MICAL2: variants seen among roughly 807,000 people sequenced by gnomAD.
The protein encoded by MICAL2 is microtubule associated monooxygenase, calponin and LIM domain containing 2.
MICAL2 carries 77 observed loss-of-function variants against 127.3 expected under a neutral mutation model. That is an observed-to-expected ratio of 0.60 (90% CI 0.50 to 0.73). The LOEUF (loss-of-function observed/expected upper bound fraction) is 0.73, where lower values mean the gene tolerates loss of function less well. MICAL2 is among the 30% of genes least tolerant of loss of function. The probability of loss-of-function intolerance (pLI) is 0.00; values close to 1 mark genes in which losing one functional copy is unlikely to be tolerated. For missense variants in MICAL2, 1,351 were observed against 1,434.4 expected, an observed-to-expected ratio of 0.94 and a Z score of 0.94; for synonymous variants, 570 against 551.1, an observed-to-expected ratio of 1.03 and a Z score of -0.48.
chr11:12,172,041 G>T (rs751483501), intron 3 of MICAL2, among the ~76,000 whole-genome samples: 27 of 152,252 alleles, frequency 1.8e-4, no homozygotes, highest in Non-Finnish European at 3.2e-4. Context: ...CTAGCCACAT[G>T]TGGCTAGCGG....
At chr11:12,212,634 C>T (rs1456046592) in intron 6 of MICAL2, among the ~76,000 whole-genome samples, 1 of 152,116 alleles carries the variant, frequency 6.6e-6, no homozygotes, top group African/African-American at 2.4e-5. Flanking sequence ...TAAGCTGGGT[C>T]CCACCCTACT....
chr11:12,234,169 A>T (rs907346551), intron 15 of MICAL2, among the ~76,000 whole-genome samples: 1 of 152,168 alleles, frequency 6.6e-6, no homozygotes, highest in African/African-American at 2.4e-5. Context: ...TCATAAGCCC[A>T]TGGCTAATAT....
intron 27 of MICAL2, chr11:12,263,034 C>T (rs913069283): frequency 1.3e-5 from 2 of 156,994 alleles, no homozygotes; most frequent in African/African-American, 4.8e-5. Context: ...ATTTAAAAAA[C>T]TTAATTACTC....
At chr11:12,261,509 C>T (rs889453194) in intron 26 of MICAL2, 2 of 985,476 alleles carry the variant, frequency 2.0e-6, no homozygotes. Flanking sequence ...GCTGAACAAT[C>T]AAGGGGCCGC....
At chr11:12,158,720 G>GT (rs1300627109) in intron 2 of MICAL2, among the ~76,000 whole-genome samples, 3 of 152,174 alleles carry the variant, frequency 2.0e-5, no homozygotes, top group Admixed American at 2.0e-4. Context: ...ACAGATTTTG[G>GT]TATCTGCATG....
chr11:12,260,685 G>T (rs1862990732), intron 26 of MICAL2: 1 of 985,692 alleles, frequency 1.0e-6, no homozygotes, highest in South Asian at 4.7e-5. Context: ...CAACACGAAA[G>T]CATAATTATT....
chr11:12,322,683 T>C (rs575530674), intron 30 of MICAL2, among the ~76,000 whole-genome samples: 2 of 152,284 alleles, frequency 1.3e-5, no homozygotes, highest in Non-Finnish European at 2.9e-5. Flanking sequence ...AATAGCCCAA[T>C]TTGAACATTT....
At chr11:12,352,008 G>A (rs1046235144) in intron 33 of MICAL2, among the ~76,000 whole-genome samples, 4 of 151,900 alleles carry the variant, frequency 2.6e-5, no homozygotes, top group Non-Finnish European at 4.4e-5. Context: ...GGCTGGTCTC[G>A]AACTCCTGAC....
At chr11:12,278,320 C>G (rs975117853) in intron 1 of MICAL2, among the ~76,000 whole-genome samples, 18 of 152,050 alleles carry the variant, frequency 1.2e-4, no homozygotes, top group Non-Finnish European at 5.9e-5. Flanking sequence ...TTCTTTATAC[C>G]CTTATTCTAT....
chr11:12,300,974 C>G (rs575239979), intron 29 of MICAL2, among the ~76,000 whole-genome samples: 2 of 152,150 alleles, frequency 1.3e-5, no homozygotes, highest in African/African-American at 2.4e-5. Context: ...AAGACATACT[C>G]GAGACTGGGA....
At chr11:12,239,652 G>A in intron 17 of MICAL2, 67 bp downstream of exon 17, 3 of 1,561,644 alleles carry the variant, frequency 1.9e-6, no homozygotes, top group Non-Finnish European at 1.7e-6. Flanking sequence ...TGTTCTGGCT[G>A]CTGATAGACT....
intron 15 of MICAL2, among the ~76,000 whole-genome samples, chr11:12,235,491 G>A (rs10831770): frequency 1.6e-4 from 24 of 152,224 alleles, no homozygotes; most frequent in African/African-American, 5.8e-4. Context: ...GGGGTAAAAA[G>A]CGGTAAATCA....
chr11:12,283,287 T>A (rs1320355483), intron 2 of MICAL2, among the ~76,000 whole-genome samples: 1 of 145,764 alleles, frequency 6.9e-6, no homozygotes, highest in Admixed American at 7.1e-5. Context: ...ACCAAGGGAA[T>A]GCCAGACAAG....
intron 32 of MICAL2, among the ~76,000 whole-genome samples, chr11:12,342,930 AGG>A (rs1555024161): frequency 6.6e-6 from 1 of 152,172 alleles, no homozygotes; most frequent in African/African-American, 2.4e-5. Context: ...GGGAGGGGGC[AGG>A]GAGCTGATGG....
At chr11:12,164,016 C>G (rs779536329) in intron 3 of MICAL2, among the ~76,000 whole-genome samples, 1 of 152,090 alleles carries the variant, frequency 6.6e-6, no homozygotes, top group Admixed American at 6.5e-5. Flanking sequence ...GAGGGACCCT[C>G]TTGGTGATCT....
At chr11:12,171,000 G>T in intron 3 of MICAL2, among the ~76,000 whole-genome samples, 1 of 152,206 alleles carries the variant, frequency 6.6e-6, no homozygotes, top group African/African-American at 2.4e-5. Context: ...GTGTTTCCAA[G>T]CTTTGATGGT....
At chr11:12,287,108 G>A (rs577932880) in exon 3 of MICAL2, 1 of 398,964 alleles carries the variant, frequency 2.5e-6, no homozygotes, top group African/African-American at 2.1e-5. Context: ...CGGGCCAATA[G>A]CTTCCAGTCT....
chr11:12,256,672 C>T, intron 23 of MICAL2, 113 bp from the exon 24 acceptor site: 2 of 1,022,256 alleles, frequency 2.0e-6, no homozygotes, highest in South Asian at 1.7e-5. Flanking sequence ...TAGCAGGAAG[C>T]AGAAGCCCAC....
intron 1 of MICAL2, among the ~76,000 whole-genome samples, chr11:12,120,564 G>A (rs2133465103): frequency 6.6e-6 from 1 of 152,306 alleles, no homozygotes; most frequent in African/African-American, 2.4e-5. Flanking sequence ...ACAGTAGGGG[G>A]GAACCAGGGG....
Sources: allele counts gnomAD v4.1 joint callset (sites outside exome capture counted in the v4.1 genomes callset), GRCh38; gene constraint gnomAD v4.1.1; transcripts MANE v1.5; gene names NCBI Gene and HGNC (gene_info 2026-07-23, HGNC 2026-07-21).